The following NR1H3 variants were observed in gnomAD, a reference collection of about 807,000 sequenced individuals.
The protein encoded by NR1H3 is oxysterols receptor LXR-alpha.
A neutral mutation model predicts 48.1 loss-of-function variants in NR1H3; 19 were observed. The observed-to-expected ratio is 0.40, with a 90% CI of 0.28 to 0.58. NR1H3 has a LOEUF of 0.58. Among genes scored for constraint, NR1H3 ranks in the 20% least tolerant of loss-of-function variants. The pLI is 0.50. For missense variants in NR1H3, 486 were observed against 595.9 expected (o/e 0.82, Z 1.92); for synonymous variants, 232 against 227.3 (o/e 1.02, Z -0.19).
intron 7 of NR1H3, among the ~76,000 whole-genome samples, chr11:47,267,655 C>T (rs1005092671): frequency 1.3e-5 from 2 of 152,064 alleles, no homozygotes; most frequent in Non-Finnish European, 2.9e-5. Flanking sequence ...ATTACAGGCA[C>T]CTGCCACCAC....
rs761145831 is a variant in NR1H3, at chr11:47,261,294, G to A, written c.553G>A (p.Glu185Lys). The change falls in exon 5 of 10, where the codon GAA becomes AAA. Residue 185 changes from glutamate (E) to lysine (K), a missense_variant. Transcript: ENST00000441012. Reference sequence around the variant, plus strand: ...GAAGAAACTGAAGCGGCAAGAGGAGGAACAGGCTCATGCCACATCCTTGCC... The same window carrying A: ...GAAGAAACTGAAGCGGCAAGAGGAGAAACAGGCTCATGCCACATCCTTGCC... Reference protein sequence around the residue: ...RLKKLKRQEEEQAHATSLPPR... With the variant: ...RLKKLKRQEEKQAHATSLPPR... 6.2e-7 allele frequency: 1 copy of A among 1,614,014 alleles called. No individual in the cohort carries two copies.
In NR1H3 at chr11:47,266,569, G is replaced by A. The variant is rs1956495190; in HGVS notation, c.989-1344G>A. The stretch of plus-strand genomic sequence containing the variant: ...GGCTGGTCTCAAACTCTTGAGCTCA[G>A]GCAATCCGTCTGCCTCGGCCTCCTA... On this transcript the variant is annotated intron_variant, in intron 7 of 9. Coordinates refer to ENST00000441012, the MANE Select transcript of NR1H3 (RefSeq NM_005693.4). Among the ~76,000 whole-genome samples, 3 of 152,088 alleles carry A rather than the reference G, an allele frequency of 2.0e-5. No individual in the cohort carries two copies. In the South Asian group the frequency reaches 6.2e-4, roughly 32 times the overall value.
upstream of NR1H3, among the ~76,000 whole-genome samples, chr11:47,253,657 T>C (rs1384632921): frequency 6.6e-6 from 1 of 152,234 alleles, no homozygotes; most frequent in Non-Finnish European, 1.5e-5. Context: ...AGTTAGCCAG[T>C]ACTACCTGTG....
At chr11:47,249,464 C>T (rs962494942) in intron 1 of NR1H3, among the ~76,000 whole-genome samples, 4 of 152,124 alleles carry the variant, frequency 2.6e-5, no homozygotes, top group African/African-American at 9.7e-5. Flanking sequence ...AGAGTCAAGA[C>T]GTCATGTCAT....
upstream of NR1H3, chr11:47,248,522 G>A: frequency 6.4e-7 from 1 of 1,551,306 alleles, no homozygotes; most frequent in Non-Finnish European, 8.7e-7. Flanking sequence ...CATAAGCCAG[G>A]GCTCCAGGTC....
chr11:47,264,579 G>A (rs754778725), intron 7 of NR1H3, among the ~76,000 whole-genome samples: 5 of 152,104 alleles, frequency 3.3e-5, no homozygotes, highest in Non-Finnish European at 5.9e-5. Flanking sequence ...CTTCTTAACC[G>A]TGGCTCTCCC....
chr11:47,255,545 CTT>C (rs61427404), upstream of NR1H3, among the ~76,000 whole-genome samples: 5,450 of 99,222 alleles, frequency 0.055, 240 homozygotes, highest in African/African-American at 0.095. Flanking sequence ...CTTTCTTTTT[CTT>C]TCTTTCTTTC....
Position 47,249,064 on chromosome 11 carries a change from T to G in NR1H3, c.-93+65T>G. On this transcript the variant is annotated intron_variant, in intron 1 of 8. Coordinates refer to the NR1H3 transcript ENST00000395397. ...CATCTTGATTAAGAAGGCCACAAAT[T>G]CGCGTTTGCCTCTGCTCGGAGAAAT... 3.1e-5 allele frequency: 44 copies of G among 1,404,718 alleles called. No individual in the cohort carries two copies. The South Asian group carries it at 5.7e-4, about 18-fold the overall frequency. The allele number at this position is 1,404,718 out of a possible 1,614,324, so 87.0% of individuals were successfully genotyped here.
upstream of NR1H3, among the ~76,000 whole-genome samples, chr11:47,255,566 TTTCTTTC>T (rs1955030922): frequency 2.6e-5 from 2 of 77,674 alleles, no homozygotes; most frequent in Non-Finnish European, 4.8e-5. Context: ...TCTTTCTTTC[TTTCTTTC>T]TTTCTTTCTT....
At chr11:47,256,963 C>T (rs950270215), upstream of NR1H3, among the ~76,000 whole-genome samples, 2 of 152,062 alleles carry the variant, frequency 1.3e-5, no homozygotes, top group Non-Finnish European at 2.9e-5. Context: ...ATCTCCTGAC[C>T]TCGTGATCCG....
chr11:47,256,955 C>T (rs560105611), upstream of NR1H3, among the ~76,000 whole-genome samples: 6 of 152,222 alleles, frequency 3.9e-5, no homozygotes, highest in South Asian at 4.1e-4. Context: ...TGGTCTCGAT[C>T]TCCTGACCTC....
At chr11:47,251,064 C>G (rs1343905090) in intron 1 of NR1H3, among the ~76,000 whole-genome samples, 1 of 152,006 alleles carries the variant, frequency 6.6e-6, no homozygotes, top group African/African-American at 2.4e-5. Context: ...GAGGCTGAGG[C>G]AGGAGAATGT....
intron 7 of NR1H3, among the ~76,000 whole-genome samples, chr11:47,262,430 C>A (rs1381664289): frequency 1.3e-5 from 2 of 151,968 alleles, no homozygotes. Context: ...AACTCCTGGC[C>A]TCAAGTGATC....
At chr11:47,248,379 A>C, upstream of NR1H3, 1 of 1,457,026 alleles carries the variant, frequency 6.9e-7, no homozygotes. Context: ...AGAGAAGTGA[A>C]AGCAACGTAT....
upstream of NR1H3, among the ~76,000 whole-genome samples, chr11:47,255,229 C>T (rs1303007345): frequency 6.6e-6 from 1 of 152,230 alleles, no homozygotes; most frequent in Non-Finnish European, 1.5e-5. Context: ...GGAGTGAGGA[C>T]ATCTGGGTTC....
In NR1H3 at chr11:47,268,313, T is replaced by C. The variant is rs141966313; in HGVS notation, c.1155T>C (p.Tyr385=). Residue 385 remains tyrosine (Y), a synonymous_variant, in exon 9 of 10, where the codon TAT becomes TAC. Transcript: ENST00000441012. ...AGGTAGAGAGGCTGCAGCACACATA[T>C]GTGGAAGCCCTGCATGCCTACGTCT... ...QLQVERLQHT[Y]VEALHAYVSI... The C allele has an allele frequency of 2.3e-4, 368 of 1,614,096 alleles. 1 individual carries two copies. The African/African-American group carries it at 4.4e-3, about 19-fold the overall frequency.
Position 47,261,251 on chromosome 11 carries a change from A to T in NR1H3, c.510A>T (p.Ser170=). 1.9e-6 allele frequency: 3 copies of T among 1,595,886 alleles called. No homozygotes were observed. The South Asian group carries it at 3.3e-5, about 18-fold the overall frequency. ...QAGMREECVL[S]EEQIRLKKLK... is the part of the protein sequence containing the mutation. ...TGGCCCTGTCCTTAGGTGTCCTGTCAGAAGAACAGATCCGCCTGAAGAAAC... is the reference window on the plus strand; with the variant it reads ...TGGCCCTGTCCTTAGGTGTCCTGTCTGAAGAACAGATCCGCCTGAAGAAAC... The change falls in exon 5 of 10, where the codon TCA becomes TCT. Residue 170 remains serine (S), a synonymous_variant. Transcript: ENST00000441012.
At chr11:47,251,936 G>A (rs923443644) in intron 1 of NR1H3, among the ~76,000 whole-genome samples, 10 of 152,134 alleles carry the variant, frequency 6.6e-5, no homozygotes, top group African/African-American at 1.7e-4. Flanking sequence ...GGATTACAGC[G>A]CAAGTAGATA....
chr11:47,259,222 C>T lies in NR1H3; in HGVS notation c.6C>T (p.Ser2=). M[S]LWLGAPVPDI... is the part of the protein sequence containing the mutation. The stretch of plus-strand genomic sequence containing the variant: ...GACCAGGGCTCCAGGAAGAGATGTC[C>T]TTGTGGCTGGGGGCCCCTGTGCCTG... Residue 2 remains serine (S), a synonymous_variant, in exon 2 of 10, where the codon TCC becomes TCT. Coordinates refer to ENST00000441012, the MANE Select transcript of NR1H3 (RefSeq NM_005693.4). 6.2e-7 allele frequency: 1 copy of T among 1,614,170 alleles called. No homozygotes were observed. The highest frequency in any genetic ancestry group is 8.5e-7 in the Non-Finnish European group (1 of 1,180,016).
Sources: gnomAD v4.1 joint callset for allele counts (sites outside exome capture counted in the v4.1 genomes callset) on GRCh38, gnomAD v4.1.1 for gene constraint, MANE v1.5 for transcripts, NCBI Gene and HGNC (gene_info 2026-07-23, HGNC 2026-07-21) for gene names.